The following RARA variants were observed in gnomAD, a reference collection of about 807,000 sequenced individuals.
RARA encodes retinoic acid receptor alpha.
RARA carries 5 observed loss-of-function variants against 42.8 expected under a neutral mutation model. That is an observed-to-expected ratio of 0.12 (90% CI 0.06 to 0.25). The LOEUF (loss-of-function observed/expected upper bound fraction) is 0.25, where lower values mean the gene tolerates loss of function less well. Ranked by LOEUF, RARA falls within the 10% of genes least tolerant of loss-of-function variation. The pLI is 1.00. For synonymous variants in RARA, 256 were observed against 259.5 expected, an observed-to-expected ratio of 0.99 and a Z score of 0.13; for missense variants, 402 against 628.7, an observed-to-expected ratio of 0.64 and a Z score of 3.86.
At chr17:40,337,927 A>T (rs1173230584) in intron 2 of RARA, among the ~76,000 whole-genome samples, 1 of 152,234 alleles carries the variant, frequency 6.6e-6, no homozygotes, top group African/African-American at 2.4e-5. Context: ...AGGCAGAGGG[A>T]CAGCCCAGGT....
intron 2 of RARA, among the ~76,000 whole-genome samples, chr17:40,340,499 T>G (rs1234922280): frequency 6.6e-6 from 1 of 152,216 alleles, no homozygotes; most frequent in African/African-American, 2.4e-5. Context: ...TGCCAGTTCC[T>G]TCAATGAACT....
chr17:40,317,905 G>C (rs1363250428), intron 1 of RARA, among the ~76,000 whole-genome samples: 1 of 151,990 alleles, frequency 6.6e-6, no homozygotes, highest in East Asian at 1.9e-4. Flanking sequence ...TTAGGTGTGG[G>C]TGTGTGTGTG....
rs74349261 is a variant in RARA, at chr17:40,355,285, G to A, written c.1035G>A (p.Pro345=). ...ICGDRQDLEQ[P]DRVDMLQEPL... ...CAGACCGCCAGGACCTGGAGCAGCC[G>A]GACCGGGTGGACATGCTGCAGGAGC... The change falls in exon 8 of 9, where the codon CCG becomes CCA. Residue 345 remains proline, a synonymous_variant. Transcript: ENST00000254066. The surrounding 1 kb of genome is among the most constrained non-coding windows in gnomAD (Gnocchi z 4.1). 38 of 1,588,946 alleles carry A rather than the reference G, an allele frequency of 2.4e-5. No individual in the cohort carries two copies. The highest frequency in any genetic ancestry group is 5.4e-5 in the African/African-American group (4 of 74,336).
At chr17:40,333,300 G>A (rs1287708869) in intron 2 of RARA, among the ~76,000 whole-genome samples, 1 of 151,986 alleles carries the variant, frequency 6.6e-6, no homozygotes, top group Non-Finnish European at 1.5e-5. Flanking sequence ...CGCCCGCCTT[G>A]GCCTCCCAAA....
intron 1 of RARA, among the ~76,000 whole-genome samples, chr17:40,329,076 G>A (rs879326546): frequency 1.2e-4 from 18 of 151,044 alleles, no homozygotes; most frequent in Admixed American, 1.1e-3. Flanking sequence ...GCCAGTACTT[G>A]TTATTATCTG....
Position 40,354,189 on chromosome 17 carries a change from G to C in RARA, c.808-113G>C, listed in dbSNP as rs369983981. ...GTAGAAAATTCTATCAGACAGCATT[G>C]CTCCGGCCACCTGCCAGGTGGTCCT... On this transcript the variant is annotated intron_variant, in intron 6 of 8. Transcript: ENST00000254066. The surrounding 1 kb of genome is among the most constrained non-coding windows in gnomAD (Gnocchi z 4.5). The C allele has an allele frequency of 5.0e-4, 486 of 976,298 alleles. 6 individuals are homozygous for C. The Admixed American group carries it at 7.0e-3, about 14-fold the overall frequency. 60.5% of individuals were successfully genotyped at this position (976,298 alleles called of 1,614,324 possible). A position where few individuals can be genotyped will look rare whatever the true frequency, so the allele number is the denominator to read the frequency against.
chr17:40,355,943 C>T lies in RARA; in HGVS notation c.1172-66C>T, dbSNP rs2034607333. 1 of 1,417,180 alleles carries T rather than the reference C, an allele frequency of 7.1e-7. No individual in the cohort carries two copies. Among genetic ancestry groups the T allele is most frequent in the Non-Finnish European group, 9.6e-7 (1 of 1,042,460 alleles). The allele number at this position is 1,417,180 out of a possible 1,614,324, so 87.8% of individuals were successfully genotyped here. ...ATTGATCTTCCCACCTCGAGCCAGG[C>T]TTGCTGGGGCTGGGGGTGGGAGGGC... On this transcript the variant is annotated intron_variant, in intron 8 of 8. Transcript: ENST00000254066. This position sits in a 1 kb window ranked among gnomAD's most constrained non-coding sequence, Gnocchi z 4.1.
rs960938568 is a variant in RARA, at chr17:40,341,494, G to T, written c.179-6822G>T. 8 of 1,492,454 alleles carry T rather than the reference G, an allele frequency of 5.4e-6. No individual in the cohort carries two copies. The African/African-American group carries it at 1.0e-4, about 19-fold the overall frequency. 92.5% of individuals were successfully genotyped at this position (1,492,454 alleles called of 1,614,324 possible). On this transcript the variant is annotated intron_variant, in intron 2 of 8. Transcript: ENST00000254066. ...CAAACACTTGGCCCCGCGCGACCCG[G>T]CCCTACGCCTCCTGCCGCCGCTCTC...
At chr17:40,332,517 G>T (rs986419682) in intron 2 of RARA, among the ~76,000 whole-genome samples, 2 of 152,158 alleles carry the variant, frequency 1.3e-5, no homozygotes, top group Non-Finnish European at 2.9e-5. Context: ...CTCTCTCCCC[G>T]GAGCCAGGGA....
chr17:40,315,791 C>T (rs1165424656), intron 1 of RARA, among the ~76,000 whole-genome samples: 3 of 152,156 alleles, frequency 2.0e-5, no homozygotes, highest in Non-Finnish European at 2.9e-5. Flanking sequence ...GACTCTCTTC[C>T]TTCACTTCCT....
intron 2 of RARA, chr17:40,342,353 G>C: frequency 9.3e-7 from 1 of 1,078,630 alleles, no homozygotes; most frequent in Non-Finnish European, 1.1e-6. Flanking sequence ...CCCGGCCTGC[G>C]GACTTGGGGA....
At chr17:40,342,355 A>T (rs2143392121) in intron 2 of RARA, 1 of 1,076,326 alleles carries the variant, frequency 9.3e-7, no homozygotes, top group South Asian at 4.2e-5. Flanking sequence ...CGGCCTGCGG[A>T]CTTGGGGAGC....
In RARA at chr17:40,320,480, T is replaced by A. The variant is rs1336830474; in HGVS notation, c.-362-10377T>A. 6.6e-6 allele frequency among the ~76,000 whole-genome samples: 1 copy of A among 152,226 alleles called. No individual in the cohort carries two copies. Among genetic ancestry groups the A allele is most frequent in the Non-Finnish European group, 1.5e-5 (1 of 68,036 alleles). ...CATTGTCTGAGTGGCCCCTCAGGTC[T>A]GTTTTGGGGACATTCACCCAGACCC... On this transcript the variant is annotated intron_variant, in intron 1 of 8. Transcript: ENST00000254066. The surrounding 1 kb of genome is among the most constrained non-coding windows in gnomAD (Gnocchi z 4.1).
rs530983523 is a variant in RARA at position 40,322,124 on chromosome 17, G to A, written c.-362-8733G>A. Among the ~76,000 whole-genome samples the A allele has an allele frequency of 4.2e-4, 64 of 152,148 alleles. 3 individuals are homozygous for A. The South Asian group carries it at 0.012, about 29-fold the overall frequency. On this transcript the variant is annotated intron_variant, in intron 1 of 8. Coordinates refer to ENST00000254066, the MANE Select transcript of RARA (RefSeq NM_000964.4). Reference sequence around the variant, plus strand: ...GGAGTCTGGGTCTGGCTGGCCGCCCGGTTTGGGCTAAATATAGTCTGGGAC... The same window carrying A: ...GGAGTCTGGGTCTGGCTGGCCGCCCAGTTTGGGCTAAATATAGTCTGGGAC...
In RARA at chr17:40,331,312, C is replaced by T. The variant is rs775872347; in HGVS notation, c.94C>T (p.Leu32=). 1.1e-5 allele frequency: 17 copies of T among 1,613,980 alleles called. No homozygotes were observed. The African/African-American group carries it at 2.1e-4, about 20-fold the overall frequency. ...PPYAFFFPPM[L]GGLSPPGALT... is the part of the protein sequence containing the mutation. Reference sequence around the variant, plus strand: ...CTACGCCTTCTTCTTCCCCCCTATGCTGGGTGGACTCTCCCCGCCAGGCGC... The same window carrying T: ...CTACGCCTTCTTCTTCCCCCCTATGTTGGGTGGACTCTCCCCGCCAGGCGC... The change falls in exon 2 of 9, where the codon CTG becomes TTG. Residue 32 remains leucine (L), a synonymous_variant. Coordinates refer to ENST00000254066, the MANE Select transcript of RARA (RefSeq NM_000964.4).
chr17:40,317,701 T>G (rs2033243733), intron 1 of RARA, among the ~76,000 whole-genome samples: 1 of 151,974 alleles, frequency 6.6e-6, no homozygotes, highest in Non-Finnish European at 1.5e-5. Context: ...TGGACTCTTT[T>G]TTTTTTTTTC....
At chr17:40,346,352 C>T (rs981951914) in intron 2 of RARA, among the ~76,000 whole-genome samples, 1 of 151,920 alleles carries the variant, frequency 6.6e-6, no homozygotes, top group Non-Finnish European at 1.5e-5. Flanking sequence ...CAGTCTGGTT[C>T]ATTTTAGAAG....
chr17:40,312,875 C>A (rs2033124258), intron 1 of RARA, among the ~76,000 whole-genome samples: 1 of 152,322 alleles, frequency 6.6e-6, no homozygotes, highest in African/African-American at 2.4e-5. Context: ...CCTCCCTTTG[C>A]ACCATTTTTC....
intron 1 of RARA, among the ~76,000 whole-genome samples, chr17:40,325,468 C>G (rs2033516263): frequency 6.6e-6 from 1 of 152,006 alleles, no homozygotes; most frequent in African/African-American, 2.4e-5. Flanking sequence ...CTCCCCAACC[C>G]CTGTCTGCAG....
Sources: gnomAD v4.1 joint callset for allele counts (sites outside exome capture counted in the v4.1 genomes callset) on GRCh38, gnomAD v4.1.1 for gene constraint, Gnocchi (gnomAD v3.1) non-coding constraint, MANE v1.5 for transcripts, NCBI Gene and HGNC (gene_info 2026-07-23, HGNC 2026-07-21) for gene names.